The following SMAP1 variants were observed in gnomAD, a reference collection of about 807,000 sequenced individuals.
SMAP1 encodes small ArfGAP 1, also known as stromal membrane-associated protein 1.
Under a neutral mutation model 58.5 loss-of-function variants are expected in SMAP1, and 24 were observed. The ratio of observed to expected loss-of-function variants is 0.41; its 90% CI spans 0.30 to 0.58. The LOEUF is 0.58. Among genes scored for constraint, SMAP1 ranks in the 20% least tolerant of loss-of-function variants. The pLI, the probability that SMAP1 is intolerant of heterozygous loss-of-function variation, is 0.29. For missense variants in SMAP1, 563 were observed against 566.3 expected, an observed-to-expected ratio of 0.99 and a Z score of 0.06; for synonymous variants, 216 against 196.6, an observed-to-expected ratio of 1.10 and a Z score of -0.82.
chr6:70,832,295 GCAATTGC>G lies in SMAP1; in HGVS notation c.577-4645_577-4639del, dbSNP rs549326002. On this transcript the variant is annotated intron_variant, in intron 6 of 10. Coordinates refer to ENST00000370455, the MANE Select transcript of SMAP1 (RefSeq NM_001044305.3). ...CCATTTGTCAATTTTTGTTTTTCTT[GCAATTGC>G]TTTTGGTGTGGAAGTAGTCTTTTGA... Among the ~76,000 whole-genome samples, 18 of 152,136 alleles carry G rather than the reference GCAATTGC, an allele frequency of 1.2e-4. No homozygotes were observed. The East Asian group carries it at 3.5e-3, about 29-fold the overall frequency.
intron 1 of SMAP1, among the ~76,000 whole-genome samples, chr6:70,684,296 G>A (rs940268442): frequency 6.6e-6 from 1 of 152,218 alleles, no homozygotes; most frequent in African/African-American, 2.4e-5. Flanking sequence ...GAGAGAGATT[G>A]TACAGATAGA....
At chr6:70,855,050 T>TCATATTCATATA (rs1771345635) in intron 8 of SMAP1, among the ~76,000 whole-genome samples, 5 of 124,378 alleles carry the variant, frequency 4.0e-5, no homozygotes, top group African/African-American at 1.6e-4. Context: ...TCCTGTTCTT[T>TCATATTCATATA]CATATACATA....
At chr6:70,848,644 C>T (rs943321820) in intron 7 of SMAP1, among the ~76,000 whole-genome samples, 1 of 152,184 alleles carries the variant, frequency 6.6e-6, no homozygotes, top group Admixed American at 6.5e-5. Context: ...ATGCCCTTCT[C>T]ATCTTGCATC....
intron 2 of SMAP1, among the ~76,000 whole-genome samples, chr6:70,748,546 T>C (rs1296171137): frequency 6.6e-6 from 1 of 152,130 alleles, no homozygotes; most frequent in African/African-American, 2.4e-5. Context: ...TTAAAATATA[T>C]ATTCATGATC....
intron 3 of SMAP1, among the ~76,000 whole-genome samples, chr6:70,771,800 C>T (rs995440604): frequency 6.6e-5 from 10 of 152,150 alleles, no homozygotes; most frequent in Non-Finnish European, 1.2e-4. Flanking sequence ...GAGATGAATC[C>T]GGTACCTCAG....
At chr6:70,758,865 A>G (rs1766629405) in intron 3 of SMAP1, among the ~76,000 whole-genome samples, 1 of 152,142 alleles carries the variant, frequency 6.6e-6, no homozygotes, top group South Asian at 2.1e-4. Flanking sequence ...ATTCATTACC[A>G]GCAGGAGGAT....
At chr6:70,675,211 T>G (rs7742921) in intron 1 of SMAP1, among the ~76,000 whole-genome samples, 19 of 148,102 alleles carry the variant, frequency 1.3e-4, no homozygotes, top group African/African-American at 3.7e-4. Flanking sequence ...TTTTTTTTTT[T>G]TTTTTTTTTT....
chr6:70,787,328 C>A (rs1768094294), intron 4 of SMAP1, among the ~76,000 whole-genome samples: 1 of 152,120 alleles, frequency 6.6e-6, no homozygotes, highest in South Asian at 2.1e-4. Flanking sequence ...ACATGTTAGA[C>A]CTAAAACCAT....
At chr6:70,686,541 T>C (rs1218628168) in intron 1 of SMAP1, among the ~76,000 whole-genome samples, 1 of 152,216 alleles carries the variant, frequency 6.6e-6, no homozygotes, top group Non-Finnish European at 1.5e-5. Flanking sequence ...CAAAAATTGG[T>C]TTCTGGGAGA....
chr6:70,856,491 T>G (rs1771428320), intron 8 of SMAP1, among the ~76,000 whole-genome samples: 1 of 152,232 alleles, frequency 6.6e-6, no homozygotes, highest in African/African-American at 2.4e-5. Context: ...ATGTTCTTTA[T>G]TCCAAAGGAT....
At chr6:70,674,195 C>T (rs1000039322) in intron 1 of SMAP1, among the ~76,000 whole-genome samples, 1 of 151,588 alleles carries the variant, frequency 6.6e-6, no homozygotes, top group Non-Finnish European at 1.5e-5. Flanking sequence ...TCTCTGCAAC[C>T]TCTCCCTCCT....
chr6:70,782,680 C>T (rs1287181923), intron 4 of SMAP1, among the ~76,000 whole-genome samples: 1 of 152,150 alleles, frequency 6.6e-6, no homozygotes, highest in African/African-American at 2.4e-5. Context: ...AGACAGATGC[C>T]TTCTTGGTCC....
intron 6 of SMAP1, among the ~76,000 whole-genome samples, chr6:70,831,522 A>G (rs1770357721): frequency 6.6e-6 from 1 of 152,062 alleles, no homozygotes; most frequent in Non-Finnish European, 1.5e-5. Flanking sequence ...TGCAGTATTT[A>G]ATTTTCTGTT....
chr6:70,750,704 T>C (rs1298178449), intron 2 of SMAP1, among the ~76,000 whole-genome samples: 1 of 152,186 alleles, frequency 6.6e-6, no homozygotes, highest in Non-Finnish European at 1.5e-5. Context: ...GTGGGGAAAC[T>C]AAAAACACAT....
At chr6:70,837,736 C>T (rs1176319308) in intron 7 of SMAP1, 2 of 1,119,952 alleles carry the variant, frequency 1.8e-6, no homozygotes, top group African/African-American at 3.4e-5. Context: ...TTAGTAATAC[C>T]TGAGCCTTGG....
At chr6:70,759,694 G>A in intron 3 of SMAP1, 1 of 275,782 alleles carries the variant, frequency 3.6e-6, no homozygotes, top group Non-Finnish European at 7.5e-6. Context: ...ATGAGATATT[G>A]CATTATTAGT....
At chr6:70,708,186 T>C (rs1301817799) in intron 1 of SMAP1, among the ~76,000 whole-genome samples, 2 of 152,164 alleles carry the variant, frequency 1.3e-5, no homozygotes, top group Non-Finnish European at 2.9e-5. Context: ...CTTTTCTCCC[T>C]AGATTTCACA....
At chr6:70,834,242 A>T (rs894204925) in intron 6 of SMAP1, among the ~76,000 whole-genome samples, 1 of 152,148 alleles carries the variant, frequency 6.6e-6, no homozygotes, top group Non-Finnish European at 1.5e-5. Flanking sequence ...TTGAATTTTT[A>T]AAAAAGATCC....
chr6:70,712,887 G>A (rs1352125127), intron 1 of SMAP1, among the ~76,000 whole-genome samples: 15 of 149,820 alleles, frequency 1.0e-4, no homozygotes, highest in African/African-American at 7.4e-5. Context: ...TCTGCCTTCC[G>A]GGTTCAAGTG....
Sources: allele counts gnomAD v4.1 joint callset (sites outside exome capture counted in the v4.1 genomes callset), GRCh38; gene constraint gnomAD v4.1.1; transcripts MANE v1.5; gene names NCBI Gene and HGNC (gene_info 2026-07-23, HGNC 2026-07-21).